The following PLAG1 variants were observed in gnomAD, a reference collection of about 807,000 sequenced individuals.
PLAG1 encodes the protein zinc finger protein PLAG1.
PLAG1 carries 7 observed loss-of-function variants against 35.5 expected under a neutral mutation model. The observed-to-expected ratio is 0.20, with a 90% CI of 0.11 to 0.37. The LOEUF (loss-of-function observed/expected upper bound fraction) is 0.37. PLAG1 is among the 10% of genes least tolerant of loss of function. The pLI, the probability that PLAG1 is intolerant of heterozygous loss-of-function variation, is 1.00. For missense variants in PLAG1, 454 were observed against 602.8 expected, an observed-to-expected ratio of 0.75 and a Z score of 2.58; for synonymous variants, 229 against 225.4, an observed-to-expected ratio of 1.02 and a Z score of -0.14.
At chr8:56,190,613 G>A (rs548301702) in intron 1 of PLAG1, among the ~76,000 whole-genome samples, 6 of 152,220 alleles carry the variant, frequency 3.9e-5, no homozygotes, top group African/African-American at 1.4e-4. Context: ...AGCTGAAGGG[G>A]AAGGTACAGA....
chr8:56,166,781 T>A lies in PLAG1; in HGVS notation c.965A>T (p.Asp322Val). Residue 322 changes from aspartate to valine, a missense_variant, in exon 5 of 5, where the codon GAC (aspartate) becomes GTC (valine). Physicochemically the swap from Asp to Val is radical, Grantham distance 152 (BLOSUM62 -3). Transcript: ENST00000316981. ...AAGGTGGTGAGAGGGATGAACAGTGTCCATATCTATTGGGCATGTCATTCC... is the reference window on the plus strand; with the variant it reads ...AAGGTGGTGAGAGGGATGAACAGTGACCATATCTATTGGGCATGTCATTCC... Reference protein sequence around the residue: ...PLGMTCPIDMDTVHPSHHLSF... With the variant: ...PLGMTCPIDMVTVHPSHHLSF... The A allele has an allele frequency of 6.2e-7, 1 of 1,613,992 alleles. No individual in the cohort carries two copies. Among genetic ancestry groups the A allele is most frequent in the Non-Finnish European group, 8.5e-7 (1 of 1,179,890 alleles).
At chr8:56,171,612 C>G (rs973879693) in intron 2 of PLAG1, among the ~76,000 whole-genome samples, 6 of 152,174 alleles carry the variant, frequency 3.9e-5, no homozygotes, top group African/African-American at 1.4e-4. Flanking sequence ...CAAAGAACAA[C>G]AGGCTCCCGG....
chr8:56,179,824 C>A (rs1811812860), intron 1 of PLAG1, among the ~76,000 whole-genome samples: 1 of 151,908 alleles, frequency 6.6e-6, no homozygotes, highest in Non-Finnish European at 1.5e-5. Context: ...GTTCTAAACA[C>A]ACCCATTATC....
chr8:56,209,098 G>A (rs958856577), intron 1 of PLAG1, among the ~76,000 whole-genome samples: 1 of 152,034 alleles, frequency 6.6e-6, no homozygotes, highest in Non-Finnish European at 1.5e-5. Flanking sequence ...GAATATTAAG[G>A]TATTTTACAG....
chr8:56,196,895 T>G (rs1489818905), intron 1 of PLAG1, among the ~76,000 whole-genome samples: 1 of 151,216 alleles, frequency 6.6e-6, no homozygotes, highest in Non-Finnish European at 1.5e-5. Flanking sequence ...CCCTTTGGAG[T>G]TGCTCTGTCT....
intron 1 of PLAG1, among the ~76,000 whole-genome samples, chr8:56,187,978 C>T (rs1287008217): frequency 1.3e-5 from 2 of 152,096 alleles, no homozygotes; most frequent in Non-Finnish European, 2.9e-5. Flanking sequence ...GACTATCCAG[C>T]AATGGACTGA....
chr8:56,208,136 G>T (rs1398651198), intron 1 of PLAG1, among the ~76,000 whole-genome samples: 1 of 152,040 alleles, frequency 6.6e-6, no homozygotes, highest in Non-Finnish European at 1.5e-5. Context: ...AATTATTCAA[G>T]ATCTAAGTCT....
In PLAG1 at chr8:56,166,165, A is replaced by C; in HGVS notation, c.*78T>G. The C allele has an allele frequency of 9.9e-7, 1 of 1,008,760 alleles. No homozygotes were observed. Among genetic ancestry groups the C allele is most frequent in the Non-Finnish European group, 1.5e-6 (1 of 685,508 alleles). 62.5% of individuals were successfully genotyped at this position (1,008,760 alleles called of 1,614,324 possible). On this transcript the variant is annotated 3_prime_UTR_variant, in exon 5 of 5. Transcript: ENST00000316981. ...AGCAGAAATTTTTATACTGTTTTAA[A>C]GTAGGCACTAAAATAAAAATGGTCA...
At chr8:56,185,985 A>T (rs911123060) in intron 1 of PLAG1, among the ~76,000 whole-genome samples, 3 of 151,294 alleles carry the variant, frequency 2.0e-5, no homozygotes, top group African/African-American at 7.2e-5. Flanking sequence ...AGGTAACAAA[A>T]GAACAAGTAT....
chr8:56,168,314 C>A lies in PLAG1; in HGVS notation c.-45G>T. ...TCTTGTTGGACACTTGGGAACTGCC[C>A]AACTCCACTAAATGATATAGCTTTA... On this transcript the variant is annotated 5_prime_UTR_variant, in exon 4 of 5. Coordinates refer to ENST00000316981, the MANE Select transcript of PLAG1 (RefSeq NM_002655.3). 1.3e-6 allele frequency: 2 copies of A among 1,552,122 alleles called. No individual in the cohort carries two copies. Among genetic ancestry groups the A allele is most frequent in the Admixed American group, 1.9e-5 (1 of 53,746 alleles).
chr8:56,168,157 A>C lies in PLAG1; in HGVS notation c.113T>G (p.Leu38Arg). The C allele has an allele frequency of 6.2e-7, 1 of 1,612,812 alleles. No individual in the cohort carries two copies. Among genetic ancestry groups the C allele is most frequent in the Non-Finnish European group, 8.5e-7 (1 of 1,178,820 alleles). The change falls in exon 4 of 5, where the codon CTG (leucine) becomes CGG (arginine). Residue 38 changes from leucine (L) to arginine (R), a missense_variant. Physicochemically the swap from Leu to Arg is moderately radical, Grantham distance 102 (BLOSUM62 -2). Around this residue, in one of 4 missense-constraint regions of PLAG1, gnomAD observed 170 missense variants for 226.3 expected, o/e 0.75. Coordinates refer to ENST00000316981, the MANE Select transcript of PLAG1 (RefSeq NM_002655.3). Reference protein sequence around the residue: ...TKPRKNFPCQLCDKAFNSVEK... With the variant: ...TKPRKNFPCQRCDKAFNSVEK... ...AACACTGTTAAAGGCCTTGTCACAC[A>C]GTTGGCAAGGAAAGTTTTTTCTTGG...
At chr8:56,199,268 G>GTTTA (rs1407714593) in intron 1 of PLAG1, among the ~76,000 whole-genome samples, 1 of 152,212 alleles carries the variant, frequency 6.6e-6, no homozygotes, top group African/African-American at 2.4e-5. Flanking sequence ...AGATGCAGGA[G>GTTTA]TTTGCCAAAC....
At chr8:56,204,483 AT>A (rs1812644043) in intron 1 of PLAG1, among the ~76,000 whole-genome samples, 1 of 151,948 alleles carries the variant, frequency 6.6e-6, no homozygotes, top group Admixed American at 6.6e-5. Flanking sequence ...AAGGAATAAA[AT>A]TGATTATGAC....
intron 1 of PLAG1, among the ~76,000 whole-genome samples, chr8:56,203,772 C>G (rs943053101): frequency 3.2e-4 from 48 of 151,882 alleles, no homozygotes; most frequent in African/African-American, 1.2e-3. Context: ...ATGCTAAAAT[C>G]CTATGAAATT....
chr8:56,189,713 G>T (rs1257987626), intron 1 of PLAG1, among the ~76,000 whole-genome samples: 1 of 152,240 alleles, frequency 6.6e-6, no homozygotes, highest in Admixed American at 6.5e-5. Flanking sequence ...AAGCTTTGGA[G>T]ATGGGAATTT....
At chr8:56,187,127 A>C (rs971505954) in intron 1 of PLAG1, among the ~76,000 whole-genome samples, 1 of 152,164 alleles carries the variant, frequency 6.6e-6, no homozygotes, top group Non-Finnish European at 1.5e-5. Flanking sequence ...CTCCTTCTTG[A>C]AGCTTCAGCA....
Position 56,163,680 on chromosome 8 carries a change from TACAC to T in PLAG1, c.*2559_*2562del, listed in dbSNP as rs968652365. ...AAGTATGTGTGTGTGTGTGTATATA[TACAC>T]ACACACACACACACATACACATACA... On this transcript the variant is annotated 3_prime_UTR_variant, in exon 5 of 5. Transcript: ENST00000316981. 11 of 182,286 alleles carry T rather than the reference TACAC, an allele frequency of 6.0e-5. No individual in the cohort carries two copies. Among genetic ancestry groups the T allele is most frequent in the South Asian group, 2.0e-4 (1 of 5,016 alleles). The allele number at this position is 182,286 out of a possible 1,614,324, so 11.3% of individuals were successfully genotyped here.
At chr8:56,174,946 A>G (rs1245822896) in intron 2 of PLAG1, among the ~76,000 whole-genome samples, 4 of 152,206 alleles carry the variant, frequency 2.6e-5, no homozygotes, top group African/African-American at 7.2e-5. Flanking sequence ...ATGCCATTTT[A>G]TATCAGGTAC....
chr8:56,168,945 C>T (rs538428610), intron 3 of PLAG1, among the ~76,000 whole-genome samples: 9 of 152,242 alleles, frequency 5.9e-5, no homozygotes, highest in African/African-American at 1.7e-4. Flanking sequence ...ATGCACCACC[C>T]GAAGTGATGC....
Sources: allele counts gnomAD v4.1 joint callset (sites outside exome capture counted in the v4.1 genomes callset), GRCh38; gene constraint gnomAD v4.1.1; regional missense constraint gnomAD v4.1.1; transcripts MANE v1.5; gene names NCBI Gene and HGNC (gene_info 2026-07-23, HGNC 2026-07-21).